PACS1: variants seen among roughly 807,000 people sequenced by gnomAD.
PACS1 encodes phosphofurin acidic cluster sorting protein 1.
Under a neutral mutation model 115.0 loss-of-function variants are expected in PACS1, and 24 were observed. The ratio of observed to expected loss-of-function variants is 0.21; its 90% CI spans 0.15 to 0.29. The LOEUF (loss-of-function observed/expected upper bound fraction) is 0.29, where lower values mean the gene tolerates loss of function less well. PACS1 is among the 10% of genes least tolerant of loss of function. The probability of loss-of-function intolerance (pLI) is 1.00; values close to 1 mark genes in which losing one functional copy is unlikely to be tolerated. For missense variants in PACS1, 838 were observed against 1,251.2 expected, an observed-to-expected ratio of 0.67 and a Z score of 4.98; for synonymous variants, 453 against 504.5, an observed-to-expected ratio of 0.90 and a Z score of 1.37.
At chr11:66,155,764 C>G (rs1239882730) in intron 1 of PACS1, among the ~76,000 whole-genome samples, 2 of 152,252 alleles carry the variant, frequency 1.3e-5, no homozygotes, top group East Asian at 3.9e-4. Flanking sequence ...AACGCAGAGG[C>G]TTCTCCATGA....
At chr11:66,170,775 A>G (rs1017768856) in intron 1 of PACS1, among the ~76,000 whole-genome samples, 17 of 123,196 alleles carry the variant, frequency 1.4e-4, no homozygotes, top group Admixed American at 4.1e-4. Flanking sequence ...TCATCTCTGG[A>G]AAAAAAAAAA....
intron 1 of PACS1, among the ~76,000 whole-genome samples, chr11:66,134,979 G>A (rs1858810441): frequency 6.6e-6 from 1 of 152,134 alleles, no homozygotes; most frequent in African/African-American, 2.4e-5. Context: ...GGGAGGCTGA[G>A]GTAGGTGGAT....
intron 1 of PACS1, among the ~76,000 whole-genome samples, chr11:66,137,469 G>GT (rs1858873623): frequency 6.6e-6 from 1 of 152,122 alleles, no homozygotes. Flanking sequence ...TGTTTCATAT[G>GT]TTTTATTTCC....
At chr11:66,132,888 G>A (rs1858735520) in intron 1 of PACS1, among the ~76,000 whole-genome samples, 1 of 152,128 alleles carries the variant, frequency 6.6e-6, no homozygotes, top group Non-Finnish European at 1.5e-5. Flanking sequence ...GGCTGGTCTC[G>A]AACTCGTGAC....
At chr11:66,230,050 C>T (rs761890377) in intron 11 of PACS1, among the ~76,000 whole-genome samples, 1 of 145,326 alleles carries the variant, frequency 6.9e-6, no homozygotes, top group Non-Finnish European at 1.5e-5. Context: ...CAGAGCGGGA[C>T]ACACAGCAGT....
chr11:66,152,330 A>G (rs1859259396), intron 1 of PACS1, among the ~76,000 whole-genome samples: 1 of 152,236 alleles, frequency 6.6e-6, no homozygotes, highest in African/African-American at 2.4e-5. Context: ...ATCCCATCCA[A>G]TGAAGAGAGG....
intron 4 of PACS1, among the ~76,000 whole-genome samples, chr11:66,214,185 G>T (rs1281939074): frequency 1.3e-5 from 2 of 151,984 alleles, no homozygotes; most frequent in Admixed American, 6.6e-5. Context: ...CTGTACTTTA[G>T]TAAATTAAAT....
chr11:66,089,977 G>A (rs112700147), intron 1 of PACS1, among the ~76,000 whole-genome samples: 35 of 129,688 alleles, frequency 2.7e-4, no homozygotes, highest in African/African-American at 9.8e-4. Flanking sequence ...CTGCACTCCA[G>A]CCTGGAGGAC....
intron 1 of PACS1, among the ~76,000 whole-genome samples, chr11:66,169,389 TC>T (rs1859683931): frequency 6.8e-6 from 1 of 146,760 alleles, no homozygotes; most frequent in African/African-American, 2.7e-5. Context: ...TAAATCTAAA[TC>T]TAACTGGTTC....
At chr11:66,134,254 CTTTTTTTTTT>C (rs1162472902) in intron 1 of PACS1, among the ~76,000 whole-genome samples, 26 of 75,074 alleles carry the variant, frequency 3.5e-4, no homozygotes, top group South Asian at 2.9e-3. Context: ...TTTTCTTTTT[CTTTTTTTTTT>C]TTTTTTTTTT....
At chr11:66,210,278 C>T (rs947355800) in intron 2 of PACS1, 84 bp from the exon 3 acceptor site, 54 of 1,009,844 alleles carry the variant, frequency 5.3e-5, no homozygotes, top group Non-Finnish European at 7.9e-5. Context: ...CCAAGCAGTC[C>T]TTCTGCCTCA....
rs1327116471 is a variant in PACS1 at position 66,239,197 on chromosome 11, C to A, written c.2349C>A (p.Pro783=). 5.0e-6 allele frequency: 8 copies of A among 1,614,170 alleles called. No homozygotes were observed. The East Asian group carries it at 8.9e-5, about 18-fold the overall frequency. Residue 783 remains proline (P), a synonymous_variant, in exon 21 of 24, where the codon CCC becomes CCA. Coordinates refer to ENST00000320580, the MANE Select transcript of PACS1 (RefSeq NM_018026.4). The part of the protein sequence containing the change: ...VSLTVPSTSP[P]SSSGLSRDAT... The stretch of plus-strand genomic sequence containing the variant: ...TTACTGTGCCCTCCACATCACCACC[C>A]TCCAGCTCGGGCCTGAGCCGAGACG...
chr11:66,151,217 G>GGAATC (rs757692942), intron 1 of PACS1, among the ~76,000 whole-genome samples: 44 of 151,646 alleles, frequency 2.9e-4, no homozygotes, highest in Admixed American at 1.8e-3. Flanking sequence ...AGGCTAGAGA[G>GGAATC]GAATCTACCC....
At chr11:66,083,357 A>G (rs143120084) in intron 1 of PACS1, among the ~76,000 whole-genome samples, 2,681 of 152,236 alleles carry the variant, frequency 0.018, 56 homozygotes, top group Non-Finnish European at 0.024. Flanking sequence ...TGTTTTTATT[A>G]CTTGTAGGTA....
chr11:66,089,802 C>A (rs189466021), intron 1 of PACS1, among the ~76,000 whole-genome samples: 13 of 151,934 alleles, frequency 8.6e-5, no homozygotes, highest in African/African-American at 3.1e-4. Context: ...GTCAGGAGAT[C>A]GAGACCATCC....
chr11:66,214,826 T>TG (rs1435092825), intron 4 of PACS1, among the ~76,000 whole-genome samples: 1 of 151,820 alleles, frequency 6.6e-6, no homozygotes, highest in African/African-American at 2.4e-5. Flanking sequence ...TCCACCATGT[T>TG]GCTCAGGCTG....
chr11:66,205,624 A>G (rs1854916680), intron 2 of PACS1, among the ~76,000 whole-genome samples: 1 of 151,336 alleles, frequency 6.6e-6, no homozygotes, highest in Non-Finnish European at 1.5e-5. Flanking sequence ...AGAAACCCCA[A>G]CAAATTTCCT....
intron 1 of PACS1, among the ~76,000 whole-genome samples, chr11:66,138,141 G>C (rs1858892312): frequency 6.6e-6 from 1 of 151,770 alleles, no homozygotes; most frequent in African/African-American, 2.4e-5. Flanking sequence ...ACTCAGGCTA[G>C]AGTGCAGTGG....
chr11:66,188,247 A>C (rs1324689596), intron 1 of PACS1, among the ~76,000 whole-genome samples: 1 of 151,384 alleles, frequency 6.6e-6, no homozygotes, highest in Admixed American at 6.6e-5. Flanking sequence ...GTAGTTTACA[A>C]ATATTTTGTC....
Sources: allele counts gnomAD v4.1 joint callset (sites outside exome capture counted in the v4.1 genomes callset), GRCh38; gene constraint gnomAD v4.1.1; transcripts MANE v1.5; gene names NCBI Gene and HGNC (gene_info 2026-07-23, HGNC 2026-07-21).